MYO15A: variants seen among roughly 807,000 people sequenced by gnomAD.
MYO15A encodes unconventional myosin-XV.
In MYO15A, 308 loss-of-function variants were observed where a neutral mutation model predicts 394.6. The ratio of observed to expected loss-of-function variants is 0.78; its 90% CI spans 0.71 to 0.86. The LOEUF (loss-of-function observed/expected upper bound fraction) is 0.86. Ranked by LOEUF, MYO15A falls within the 40% of genes least tolerant of loss-of-function variation. The pLI is 0.00. For missense variants in MYO15A, 4,606 were observed against 4,799.1 expected, an observed-to-expected ratio of 0.96 and a Z score of 1.19; for synonymous variants, 1,957 against 2,003.8, an observed-to-expected ratio of 0.98 and a Z score of 0.62.
intron 62 of MYO15A, 26 bp from the exon 63 acceptor site, chr17:18,171,612 C>A: frequency 6.2e-7 from 1 of 1,613,786 alleles, no homozygotes; most frequent in South Asian, 1.1e-5. Context: ...TCACTCAGGA[C>A]CTTTTTCCCC....
At chr17:18,166,617 G>T (rs578103916) in intron 61 of MYO15A, 96 bp downstream of exon 61, 53 of 1,521,232 alleles carry the variant, frequency 3.5e-5, no homozygotes, top group Non-Finnish European at 4.2e-5. Context: ...AAGTGTTCAT[G>T]ATTCAGGCCC....
intron 3 of MYO15A, 134 bp downstream of exon 3, chr17:18,124,699 A>C: frequency 1.2e-6 from 1 of 843,674 alleles, no homozygotes; most frequent in Non-Finnish European, 1.9e-6. Flanking sequence ...AAGTGTCACA[A>C]AGACTAAATG....
chr17:18,125,297 T>C (rs890855124), intron 4 of MYO15A, 66 bp downstream of exon 4: 3 of 1,484,858 alleles, frequency 2.0e-6, no homozygotes, highest in Non-Finnish European at 2.8e-6. Flanking sequence ...TGGGGCCGGG[T>C]GGGACGCACA....
In MYO15A at chr17:18,121,231, C is replaced by T; in HGVS notation, c.2431C>T (p.Leu811=). 6.7e-7 allele frequency: 1 copy of T among 1,483,972 alleles called. No homozygotes were observed. 91.9% of individuals were successfully genotyped at this position (1,483,972 alleles called of 1,614,324 possible). ...LRTGPFQPPF[L]PPARRPRSLQ... is the part of the protein sequence containing the mutation. ...CACGGGCCCCTTCCAGCCGCCCTTC[C>T]TGCCCCCGGCCCGCCGGCCCCGCTC... Residue 811 remains leucine, a synonymous_variant, in exon 2 of 66, where the codon CTG becomes TTG. Transcript: ENST00000647165. The surrounding 1 kb of genome is among the most constrained non-coding windows in gnomAD (Gnocchi z 5.3).
Position 18,127,162 on chromosome 17 carries a change from G to A in MYO15A, c.4029G>A (p.Gln1343=), listed in dbSNP as rs1461094594. Residue 1343 remains glutamine (Q), a synonymous_variant, in exon 7 of 66, where the codon CAG becomes CAA. Transcript: ENST00000647165. The part of the protein sequence containing the change: ...AAMNQKREVM[Q]QIKILEATPL... ...TGAACCAGAAACGGGAGGTCATGCA[G>A]CAGGTGAGTCTACCTGTCTCCCCAG... 6.2e-7 allele frequency: 1 copy of A among 1,613,590 alleles called. No individual in the cohort carries two copies. Among genetic ancestry groups the A allele is most frequent in the Non-Finnish European group, 8.5e-7 (1 of 1,179,892 alleles).
intron 47 of MYO15A, 54 bp from the exon 48 acceptor site, chr17:18,156,141 T>A: frequency 6.2e-7 from 1 of 1,612,672 alleles, no homozygotes; most frequent in Non-Finnish European, 8.5e-7. Context: ...GCACAATAGG[T>A]GGAAGGAGGG....
chr17:18,139,445 G>T (rs2046339121), intron 18 of MYO15A, 89 bp from the exon 19 acceptor site: 1 of 1,403,578 alleles, frequency 7.1e-7, no homozygotes, highest in Non-Finnish European at 9.9e-7. Context: ...GAGGGGTGGG[G>T]ACCATAGAAG....
chr17:18,139,471 C>A (rs1329080898), intron 18 of MYO15A, 63 bp from the exon 19 acceptor site: 1 of 1,512,822 alleles, frequency 6.6e-7, no homozygotes, highest in African/African-American at 1.4e-5. Flanking sequence ...AGGATCCAGT[C>A]CCTCCTAGGA....
At chr17:18,143,524 C>A in intron 25 of MYO15A, 42 bp from the exon 26 acceptor site, 1 of 1,548,986 alleles carries the variant, frequency 6.5e-7, no homozygotes, top group South Asian at 1.2e-5. Context: ...CGGTCGTCAC[C>A]TCTGCCTGCC....
In MYO15A at chr17:18,143,762, G is replaced by C. The variant is rs764096773; in HGVS notation, c.6012G>C (p.Pro2004=). ...EVVAVGHLEV[P]AELAGLLQAV... The stretch of plus-strand genomic sequence containing the variant: ...TCGCTGTGGGGCACCTGGAGGTACC[G>C]GCTGAGCTGGCTGGGCTCTTGCAAG... The change falls in exon 27 of 66, where the codon CCG becomes CCC. Residue 2004 remains proline (P), a synonymous_variant. Transcript: ENST00000647165. 6.3e-7 allele frequency: 1 copy of C among 1,594,298 alleles called. No homozygotes were observed. Among genetic ancestry groups the C allele is most frequent in the Non-Finnish European group, 8.5e-7 (1 of 1,170,864 alleles).
chr17:18,146,442 TCAGA>T (rs1271117688), intron 30 of MYO15A, among the ~76,000 whole-genome samples: 1 of 152,186 alleles, frequency 6.6e-6, no homozygotes, highest in Non-Finnish European at 1.5e-5. Flanking sequence ...GATACGGGAC[TCAGA>T]CAATCAGGGT....
In MYO15A at chr17:18,122,075, C is replaced by T. The variant is rs1271240611; in HGVS notation, c.3275C>T (p.Ala1092Val). The change falls in exon 2 of 66, where the codon GCG becomes GTG. Residue 1092 changes from alanine to valine, a missense_variant. By Grantham distance (64) the Ala-to-Val change is moderately conservative (BLOSUM62 0). Transcript: ENST00000647165. The part of the protein sequence containing the change: ...GTLPQAAAPL[A>V]PIRAPEPLPK... ...CTGCCCCAAGCCGCAGCCCCCTTGGCGCCCATCAGGGCCCCAGAGCCCCTG... is the reference window on the plus strand; with the variant it reads ...CTGCCCCAAGCCGCAGCCCCCTTGGTGCCCATCAGGGCCCCAGAGCCCCTG... The T allele has an allele frequency of 1.2e-5, 20 of 1,612,722 alleles. No individual in the cohort carries two copies. In the East Asian group the frequency reaches 3.8e-4, roughly 31 times the overall value.
chr17:18,135,588 G>A lies in MYO15A; in HGVS notation c.4483-123G>A, dbSNP rs140439415. 967 of 871,904 alleles carry A rather than the reference G, an allele frequency of 1.1e-3. 12 individuals carry two copies. The East Asian group carries it at 0.025, about 22-fold the overall frequency. 54.0% of individuals were successfully genotyped at this position (871,904 alleles called of 1,614,324 possible). ...ACTCCTGGCCTCAGGTGATCCACCC[G>A]CCTCAGCCTCCCAAAGTGCTGGGAC... On this transcript the variant is annotated intron_variant, in intron 12 of 65. Transcript: ENST00000647165.
Position 18,120,589 on chromosome 17 carries a change from G to A in MYO15A, c.1789G>A (p.Ala597Thr), listed in dbSNP as rs1195824372. Residue 597 changes from alanine to threonine, a missense_variant, in exon 2 of 66, where the codon GCG becomes ACG. Ala to Thr is a moderately conservative substitution (Grantham distance 58, BLOSUM62 0). This residue lies in a region of MYO15A where 1,830 missense variants were observed against 1,689.7 expected (regional missense o/e 1.08). Coordinates refer to ENST00000647165, the MANE Select transcript of MYO15A (RefSeq NM_016239.4). Reference protein sequence around the residue: ...ARLRGSQKARAGGPAVREAAY... With the variant: ...ARLRGSQKARTGGPAVREAAY... ...GCTCAGGGGCAGCCAGAAGGCCCGG[G>A]CGGGCGGCCCTGCTGTCAGGGAGGC... 3 of 1,598,246 alleles carry A rather than the reference G, an allele frequency of 1.9e-6. No homozygotes were observed. The highest frequency in any genetic ancestry group is 1.7e-6 in the Non-Finnish European group (2 of 1,174,630).
intron 51 of MYO15A, 141 bp downstream of exon 51, chr17:18,158,041 G>A: frequency 8.0e-7 from 1 of 1,248,982 alleles, no homozygotes; most frequent in Non-Finnish European, 1.1e-6. Flanking sequence ...CTAGTGTGAG[G>A]GTGAACCAGG....
rs2046691097 is a variant in MYO15A at position 18,157,208 on chromosome 17, G to A, written c.8766G>A (p.Leu2922=). Residue 2922 remains leucine (L), a synonymous_variant, in exon 50 of 66, where the codon CTG becomes CTA. Transcript: ENST00000647165. ...VRRKVVYLEE[L]RRRGPDFGWR... is the part of the protein sequence containing the mutation. ...GGAAGGTGGTGTACCTGGAGGAGCT[G>A]CGACGTAGAGGCCCCGACTTTGGTG... 6.2e-7 allele frequency: 1 copy of A among 1,608,522 alleles called. No individual in the cohort carries two copies. Among genetic ancestry groups the A allele is most frequent in the South Asian group, 1.1e-5 (1 of 90,102 alleles).
intron 35 of MYO15A, 107 bp downstream of exon 35, chr17:18,149,687 T>G: frequency 8.7e-7 from 1 of 1,152,434 alleles, no homozygotes; most frequent in Non-Finnish European, 1.3e-6. Flanking sequence ...GCCAGGGTCA[T>G]GGGGTGGTGT....
At chr17:18,146,803 T>A (rs1251354303) in intron 30 of MYO15A, among the ~76,000 whole-genome samples, 1 of 152,160 alleles carries the variant, frequency 6.6e-6, no homozygotes, top group East Asian at 1.9e-4. Flanking sequence ...CACACGCATG[T>A]AGTCCCAGCT....
chr17:18,154,725 G>A lies in MYO15A; in HGVS notation c.8194G>A (p.Asp2732Asn), dbSNP rs769504984. The change falls in exon 45 of 66, where the codon GAT becomes AAT. Residue 2732 changes from aspartate (D) to asparagine (N), a missense_variant. By Grantham distance (23) the Asp-to-Asn change is conservative. This residue lies in a region of MYO15A where 2,776 missense variants were observed against 3,109.3 expected (regional missense o/e 0.89). Transcript: ENST00000647165. ...CGAGGCCTGCCTTCGCATCTCTGAG[G>A]ATGAGAGGCTCAGGATGAAGGCCTT... Reference protein sequence around the residue: ...LSEACLRISEDERLRMKALFA... With the variant: ...LSEACLRISENERLRMKALFA... The A allele has an allele frequency of 1.1e-5, 18 of 1,613,686 alleles. No homozygotes were observed. The Admixed American group carries it at 2.8e-4, about 25-fold the overall frequency.
Sources: allele counts gnomAD v4.1 joint callset (sites outside exome capture counted in the v4.1 genomes callset), GRCh38; gene constraint gnomAD v4.1.1; regional missense constraint gnomAD v4.1.1; non-coding constraint Gnocchi (gnomAD v3.1); transcripts MANE v1.5; gene names NCBI Gene and HGNC (gene_info 2026-07-23, HGNC 2026-07-21).